Variants in EPHA5 observed in about 807,000 individuals in gnomAD.
The protein encoded by EPHA5 is EPH receptor A5.
In EPHA5, 60 loss-of-function variants were observed where a neutral mutation model predicts 105.0. The observed-to-expected ratio is 0.57, with a 90% CI of 0.46 to 0.71. The LOEUF (loss-of-function observed/expected upper bound fraction) is 0.71, where lower values mean the gene tolerates loss of function less well. Ranked by LOEUF, EPHA5 falls within the 30% of genes least tolerant of loss-of-function variation. The pLI, the probability that EPHA5 is intolerant of heterozygous loss-of-function variation, is 0.00. For synonymous variants in EPHA5, 513 were observed against 449.1 expected (o/e 1.14, Z -1.80); for missense variants, 1,218 against 1,274.7 (o/e 0.96, Z 0.68).
At chr4:65,656,865 C>G (rs891801384) in intron 1 of EPHA5, among the ~76,000 whole-genome samples, 9 of 150,620 alleles carry the variant, frequency 6.0e-5, no homozygotes, top group African/African-American at 1.9e-4. Flanking sequence ...ATTCAAAGAA[C>G]TTTTATAGAT....
chr4:65,596,030 G>T lies in EPHA5; in HGVS notation c.910+5611C>A, dbSNP rs4400048. On this transcript the variant is annotated intron_variant, in intron 3 of 16. Transcript: ENST00000613740. The stretch of plus-strand genomic sequence containing the variant: ...GAATTCATGTGGTTAAACTACTAGG[G>T]CATGCTGCCTCTTACAAGCAGCGTA... Among the ~76,000 whole-genome samples the T allele has an allele frequency of 5.0e-3, 758 of 151,980 alleles. 4 individuals are homozygous for T. Among genetic ancestry groups the T allele is most frequent in the African/African-American group, 0.015 (631 of 41,452 alleles).
intron 16 of EPHA5, chr4:65,331,304 C>T (rs1441751162): frequency 9.7e-7 from 1 of 1,033,580 alleles, no homozygotes; most frequent in Admixed American, 5.6e-5. Context: ...ATACAAACAA[C>T]TTACAACCTT....
At chr4:65,587,195 A>T (rs1024099252) in intron 3 of EPHA5, among the ~76,000 whole-genome samples, 1 of 151,940 alleles carries the variant, frequency 6.6e-6, no homozygotes, top group African/African-American at 2.4e-5. Context: ...GAATCCTTTA[A>T]CTTCTTTACT....
Position 65,640,282 on chromosome 4 carries a change from C to CTTTTTTTTTTTTTTTTTTTTTTTTTT in EPHA5, c.246+3080_246+3081insAAAAAAAAAAAAAAAAAAAAAAAAAA, listed in dbSNP as rs869149037. 3.3e-5 allele frequency among the ~76,000 whole-genome samples: 3 copies of CTTTTTTTTTTTTTTTTTTTTTTTTTT among 92,224 alleles called. 1 individual carries two copies. Among genetic ancestry groups the CTTTTTTTTTTTTTTTTTTTTTTTTTT allele is most frequent in the African/African-American group, 1.3e-4 (3 of 23,302 alleles). The allele number at this position is 92,224 out of a possible 152,430, so 60.5% of individuals were successfully genotyped here. A position where few individuals can be genotyped will look rare whatever the true frequency, so the allele number is the denominator to read the frequency against. Reference sequence around the variant, plus strand: ...CATTGAAGTCATTGCTCAGTTTTTTCTTTTTTTTTTTTTTTTTTTTTGAGA... The same window carrying CTTTTTTTTTTTTTTTTTTTTTTTTTT: ...CATTGAAGTCATTGCTCAGTTTTTTCTTTTTTTTTTTTTTTTTTTTTTTTTTTTTTTTTTTTTTTTTTTTTTTGAGA... On this transcript the variant is annotated intron_variant, in intron 2 of 16. Transcript: ENST00000613740.
chr4:65,585,448 GA>G (rs765281860), intron 3 of EPHA5, among the ~76,000 whole-genome samples: 409 of 146,280 alleles, frequency 2.8e-3, no homozygotes, highest in African/African-American at 6.1e-3. Context: ...ACTTTGGTGA[GA>G]AAAAAAAAAA....
At chr4:65,349,019 T>C (rs1353205805) in intron 13 of EPHA5, among the ~76,000 whole-genome samples, 2 of 151,506 alleles carry the variant, frequency 1.3e-5, no homozygotes, top group East Asian at 3.9e-4. Flanking sequence ...GTTTGCCATG[T>C]TGGCTAGGCT....
chr4:65,457,043 C>T (rs989607954), intron 5 of EPHA5, among the ~76,000 whole-genome samples: 2 of 149,770 alleles, frequency 1.3e-5, no homozygotes, highest in Non-Finnish European at 3.0e-5. Context: ...AACCTGAGAA[C>T]TGACCTCCTT....
intron 5 of EPHA5, among the ~76,000 whole-genome samples, chr4:65,441,647 C>T (rs1454974433): frequency 6.6e-6 from 1 of 152,072 alleles, no homozygotes; most frequent in Non-Finnish European, 1.5e-5. Flanking sequence ...CTATGGAATG[C>T]ACTACAACTA....
intron 3 of EPHA5, among the ~76,000 whole-genome samples, chr4:65,583,031 A>C (rs1169090215): frequency 6.6e-6 from 1 of 151,626 alleles, no homozygotes; most frequent in Non-Finnish European, 1.5e-5. Context: ...ATTCTTATTA[A>C]ATTTTAGGCA....
chr4:65,669,172 A>T (rs1351958256), intron 1 of EPHA5, among the ~76,000 whole-genome samples: 4 of 151,868 alleles, frequency 2.6e-5, no homozygotes, highest in Non-Finnish European at 4.4e-5. Flanking sequence ...AGCTTCCAAC[A>T]GTTCCCACTC....
chr4:65,423,121 A>G (rs1430118744), intron 5 of EPHA5, among the ~76,000 whole-genome samples: 20 of 152,088 alleles, frequency 1.3e-4, no homozygotes, highest in Admixed American at 1.2e-3. Flanking sequence ...TTTGGAGCAC[A>G]CTGGTTGGGT....
rs764677767 is a variant in EPHA5, at chr4:65,495,463, C to T, written c.991G>A (p.Glu331Lys). 6 of 1,613,868 alleles carry T rather than the reference C, an allele frequency of 3.7e-6. No homozygotes were observed. Among genetic ancestry groups the T allele is most frequent in the Non-Finnish European group, 5.1e-6 (6 of 1,179,852 alleles). ...TCACAGACACAAGAGGTTGAAGCTT[C>T]CTCATGGGTATAACTGTGAGGTGGA... is the stretch of plus-strand genomic sequence containing the variant. ...KCPPHSYTHE[E>K]ASTSCVCEKD... Residue 331 changes from glutamate (E) to lysine (K), a missense_variant, in exon 4 of 17, where the codon GAA (glutamate) becomes AAA (lysine). Coordinates refer to ENST00000613740, the MANE Select transcript of EPHA5 (RefSeq NM_001281766.3).
At chr4:65,468,221 A>G (rs963029575) in intron 5 of EPHA5, among the ~76,000 whole-genome samples, 1 of 152,032 alleles carries the variant, frequency 6.6e-6, no homozygotes, top group African/African-American at 2.4e-5. Flanking sequence ...GAAACATGGA[A>G]CACCTAATAG....
intron 5 of EPHA5, among the ~76,000 whole-genome samples, chr4:65,465,818 C>A (rs576399446): frequency 6.6e-6 from 1 of 152,208 alleles, no homozygotes; most frequent in Admixed American, 6.5e-5. Flanking sequence ...GAAAAAAATA[C>A]CCATTTGTAA....
intron 8 of EPHA5, among the ~76,000 whole-genome samples, chr4:65,402,901 G>C (rs1404857944): frequency 1.3e-5 from 2 of 152,070 alleles, no homozygotes; most frequent in African/African-American, 4.8e-5. Flanking sequence ...AGAAAGCAGG[G>C]ATATAGGTTG....
At chr4:65,473,819 T>C (rs1483779310) in intron 5 of EPHA5, among the ~76,000 whole-genome samples, 2 of 151,996 alleles carry the variant, frequency 1.3e-5, no homozygotes, top group Admixed American at 6.6e-5. Context: ...CGACAGGTAG[T>C]TTTTGACACC....
In EPHA5 at chr4:65,320,497, G is replaced by A; in HGVS notation, c.*3617C>T. 4.4e-6 allele frequency: 1 copy of A among 228,962 alleles called. No homozygotes were observed. Among genetic ancestry groups the A allele is most frequent in the Non-Finnish European group, 8.7e-6 (1 of 115,372 alleles). The allele number at this position is 228,962 out of a possible 1,614,324, so 14.2% of individuals were successfully genotyped here. A position where few individuals can be genotyped will look rare whatever the true frequency, so the allele number is the denominator to read the frequency against. ...TGAGAAAGGGACCTTATTCTACTAT[G>A]TAATATAATACATCTAATAAATTTC... On this transcript the variant is annotated 3_prime_UTR_variant, in exon 17 of 17. Transcript: ENST00000613740.
chr4:65,580,184 T>C (rs912550663), intron 3 of EPHA5, among the ~76,000 whole-genome samples: 38 of 151,910 alleles, frequency 2.5e-4, no homozygotes, highest in Non-Finnish European at 5.0e-4. Flanking sequence ...ACTTTAAAAA[T>C]GTTTAAGGAC....
At chr4:65,652,252 G>C (rs1748676783) in intron 1 of EPHA5, among the ~76,000 whole-genome samples, 1 of 151,988 alleles carries the variant, frequency 6.6e-6, no homozygotes, top group African/African-American at 2.4e-5. Flanking sequence ...ATTCACTTTG[G>C]GAATGCTTCA....
Sources: allele counts gnomAD v4.1 joint callset (sites outside exome capture counted in the v4.1 genomes callset), GRCh38; gene constraint gnomAD v4.1.1; transcripts MANE v1.5; gene names NCBI Gene and HGNC (gene_info 2026-07-23, HGNC 2026-07-21).